TRPM1: variants seen among roughly 807,000 people sequenced by gnomAD.
TRPM1 encodes TRPM1-203 APA Isoform, Intron 10.
In TRPM1, 113 loss-of-function variants were observed where a neutral mutation model predicts 149.4. That is an observed-to-expected ratio of 0.76 (90% CI 0.65 to 0.88). The LOEUF (loss-of-function observed/expected upper bound fraction) is 0.88. Ranked by LOEUF, TRPM1 falls within the 40% of genes least tolerant of loss-of-function variation. The pLI is 0.00. For missense variants in TRPM1, 1,976 were observed against 2,038.7 expected (o/e 0.97, Z 0.59); for synonymous variants, 741 against 759.5 (o/e 0.98, Z 0.40).
At chr15:31,107,433 A>T (rs1401025220) in intron 1 of TRPM1, among the ~76,000 whole-genome samples, 1 of 152,112 alleles carries the variant, frequency 6.6e-6, no homozygotes, top group Non-Finnish European at 1.5e-5. Flanking sequence ...GATTTTAGCA[A>T]TTTGAGTCTT....
intron 1 of TRPM1, among the ~76,000 whole-genome samples, chr15:31,089,768 T>C (rs1348854005): frequency 6.6e-6 from 1 of 152,204 alleles, no homozygotes; most frequent in Non-Finnish European, 1.5e-5. Flanking sequence ...AGTATCATTT[T>C]CCTCAACATG....
At chr15:31,025,885 G>A (rs1424907565) in intron 27 of TRPM1, among the ~76,000 whole-genome samples, 12 of 152,260 alleles carry the variant, frequency 7.9e-5, no homozygotes, top group African/African-American at 1.4e-4. Flanking sequence ...GGGGTAGGGG[G>A]TGAAGGTAGT....
chr15:31,032,588 A>C (rs2033140134), intron 22 of TRPM1, 101 bp downstream of exon 22: 1 of 1,466,182 alleles, frequency 6.8e-7, no homozygotes, highest in Admixed American at 1.7e-5. Context: ...ACTGCAAAAG[A>C]AAAACCAAAT....
Position 31,002,407 on chromosome 15 carries a change from G to T in TRPM1, c.4293C>A (p.Gly1431=). ...QLTVETTNIE[G]TISYPLEETK... ...TTTCTTCCAGGGGATAGGAAATAGTGCCTTCTATATTTGTCGTTTCCACTG... is the reference window on the plus strand; with the variant it reads ...TTTCTTCCAGGGGATAGGAAATAGTTCCTTCTATATTTGTCGTTTCCACTG... The change falls in exon 28 of 28, where the codon GGC becomes GGA. Residue 1431 remains glycine, a synonymous_variant. Coordinates refer to ENST00000256552, the MANE Select transcript of TRPM1 (RefSeq NM_001252024.2). 6.2e-7 allele frequency: 1 copy of T among 1,614,186 alleles called. No individual in the cohort carries two copies.
rs750021223 is a variant in TRPM1 at position 31,047,191 on chromosome 15, G to A, written c.1684C>T (p.Leu562Phe). The change falls in exon 15 of 28, where the codon CTC (leucine) becomes TTC (phenylalanine). Residue 562 changes from leucine (L) to phenylalanine (F), a missense_variant. By Grantham distance (22) the Leu-to-Phe change is conservative. Transcript: ENST00000256552. ...LIDIGLVLEY[L>F]MGGAYRCNYT... The stretch of plus-strand genomic sequence containing the variant: ...TTGCAGCGGTAGGCTCCTCCCATGA[G>A]GTACTCCAGCACGAGCCCGATGTCT... 2 of 1,614,114 alleles carry A rather than the reference G, an allele frequency of 1.2e-6. No individual in the cohort carries two copies. Among genetic ancestry groups the A allele is most frequent in the Non-Finnish European group, 1.7e-6 (2 of 1,180,046 alleles).
intron 1 of TRPM1, among the ~76,000 whole-genome samples, chr15:31,157,580 T>G (rs2036393885): frequency 6.6e-6 from 1 of 152,108 alleles, no homozygotes; most frequent in Admixed American, 6.6e-5. Context: ...CAGAATCTCA[T>G]TTTTCTTCTC....
At chr15:31,030,895 A>G in intron 23 of TRPM1, 88 bp downstream of exon 23, 4 of 1,509,244 alleles carry the variant, frequency 2.7e-6, no homozygotes, top group Non-Finnish European at 3.7e-6. Context: ...TTTTATTTCC[A>G]AATTAATACA....
intron 11 of TRPM1, among the ~76,000 whole-genome samples, chr15:31,059,739 C>G (rs1183340833): frequency 2.0e-5 from 3 of 152,146 alleles, no homozygotes; most frequent in Non-Finnish European, 4.4e-5. Flanking sequence ...AACATAAACT[C>G]TCTAGATATT....
Position 31,047,198 on chromosome 15 carries a change from C to T in TRPM1, c.1677G>A (p.Leu559=). 1 of 1,614,234 alleles carries T rather than the reference C, an allele frequency of 6.2e-7. No homozygotes were observed. Among genetic ancestry groups the T allele is most frequent in the Non-Finnish European group, 8.5e-7 (1 of 1,180,044 alleles). Residue 559 remains leucine, a synonymous_variant, in exon 15 of 28, where the codon CTG becomes CTA. Transcript: ENST00000256552. ...HISLIDIGLV[L]EYLMGGAYRC... ...GGTAGGCTCCTCCCATGAGGTACTC[C>T]AGCACGAGCCCGATGTCTATGAGGC...
In TRPM1 at chr15:31,060,593, C is replaced by A. The variant is rs767403814; in HGVS notation, c.1214G>T (p.Arg405Leu). The A allele has an allele frequency of 6.2e-7, 1 of 1,614,242 alleles. No individual in the cohort carries two copies. The highest frequency in any genetic ancestry group is 8.5e-7 in the Non-Finnish European group (1 of 1,180,042). Residue 405 changes from arginine (R) to leucine (L), a missense_variant, in exon 11 of 28, where the codon CGC becomes CTC. Arg to Leu is a moderately radical substitution (Grantham distance 102). Transcript: ENST00000256552. ...GATCTGGCTTCGTGCTATGTCCACG[C>A]GGTTCCAAGCCAGTGCCAAGCTCAG... ...DQLSLALAWN[R>L]VDIARSQIFV... is the part of the protein sequence containing the mutation.
chr15:31,041,024 G>A (rs535822569), intron 17 of TRPM1, among the ~76,000 whole-genome samples: 46 of 152,304 alleles, frequency 3.0e-4, no homozygotes, highest in Non-Finnish European at 6.2e-4. Flanking sequence ...AATGACTGAT[G>A]GGGACAGTGA....
At chr15:31,105,467 GTGTGT>G (rs1479601458), upstream of TRPM1, among the ~76,000 whole-genome samples, 2 of 133,474 alleles carry the variant, frequency 1.5e-5, no homozygotes, top group African/African-American at 8.1e-5. Context: ...GTGTGTGTGT[GTGTGT>G]GCGCGCGCGC....
At chr15:31,064,902 C>A (rs560082573) in intron 7 of TRPM1, 19 of 422,102 alleles carry the variant, frequency 4.5e-5, no homozygotes, top group Admixed American at 4.0e-4. Flanking sequence ...TCCTGGACTC[C>A]GCCTTTGAGA....
intron 1 of TRPM1, among the ~76,000 whole-genome samples, chr15:31,122,673 C>A (rs914263338): frequency 2.6e-5 from 4 of 151,954 alleles, no homozygotes; most frequent in African/African-American, 9.7e-5. Context: ...TGAAATAAAT[C>A]AAATAAGTTA....
intron 3 of TRPM1, among the ~76,000 whole-genome samples, chr15:31,070,768 T>C (rs1235546218): frequency 1.3e-5 from 2 of 152,182 alleles, no homozygotes; most frequent in African/African-American, 2.4e-5. Context: ...TTACCCAGGC[T>C]GGTCTCGAAC....
intron 1 of TRPM1, among the ~76,000 whole-genome samples, chr15:31,082,129 G>A (rs538101041): frequency 2.0e-4 from 30 of 152,322 alleles, no homozygotes; most frequent in Middle Eastern, 6.8e-3. Flanking sequence ...CTGTCCTTGT[G>A]AAAGGAGAAA....
At chr15:31,149,026 G>T (rs752365951) in intron 1 of TRPM1, among the ~76,000 whole-genome samples, 1 of 152,240 alleles carries the variant, frequency 6.6e-6, no homozygotes, top group Non-Finnish European at 1.5e-5. Context: ...GAGTGGAAGA[G>T]TGACCTCGCA....
At chr15:31,003,125 A>G in intron 27 of TRPM1, 55 bp from the exon 28 acceptor site, 1 of 1,476,850 alleles carries the variant, frequency 6.8e-7, no homozygotes, top group Non-Finnish European at 9.2e-7. Flanking sequence ...GATATTAAAA[A>G]TCAAAAGATA....
chr15:31,083,383 T>C (rs905284839), intron 1 of TRPM1, among the ~76,000 whole-genome samples: 4 of 152,334 alleles, frequency 2.6e-5, no homozygotes, highest in Admixed American at 2.6e-4. Context: ...ATTATACTTA[T>C]GGCTTCTCTT....
Sources: allele counts gnomAD v4.1 joint callset (sites outside exome capture counted in the v4.1 genomes callset), GRCh38; gene constraint gnomAD v4.1.1; transcripts MANE v1.5; gene names NCBI Gene and HGNC (gene_info 2026-07-23, HGNC 2026-07-21).